Variants in JAZF1 observed in about 807,000 individuals in gnomAD.
The protein encoded by JAZF1 is juxtaposed with another zinc finger protein 1.
In JAZF1, 8 loss-of-function variants were observed where a neutral mutation model predicts 26.4. The observed-to-expected ratio is 0.30, with a 90% CI of 0.18 to 0.55. The LOEUF is 0.55. Ranked by LOEUF, JAZF1 falls within the 20% of genes least tolerant of loss-of-function variation. JAZF1 has a pLI of 0.94. For missense variants in JAZF1, 199 were observed against 322.0 expected, an observed-to-expected ratio of 0.62 and a Z score of 2.92; for synonymous variants, 126 against 122.3, an observed-to-expected ratio of 1.03 and a Z score of -0.20.
intron 1 of JAZF1, among the ~76,000 whole-genome samples, chr7:28,064,671 G>T (rs988315682): frequency 6.6e-6 from 1 of 152,162 alleles, no homozygotes; most frequent in African/African-American, 2.4e-5. Flanking sequence ...AGCATAAAGA[G>T]ATCTTATTAT....
chr7:27,907,700 G>A (rs1239954506), intron 2 of JAZF1, among the ~76,000 whole-genome samples: 1 of 152,150 alleles, frequency 6.6e-6, no homozygotes, highest in African/African-American at 2.4e-5. Context: ...AGAAAGGGGA[G>A]GAGAAGCAAA....
chr7:27,892,772 C>T (rs1356272902), intron 3 of JAZF1, among the ~76,000 whole-genome samples: 1 of 152,146 alleles, frequency 6.6e-6, no homozygotes, highest in Non-Finnish European at 1.5e-5. Flanking sequence ...AAATGCCTAA[C>T]ACAAATGAAC....
chr7:27,949,065 C>T (rs898709240), intron 2 of JAZF1, among the ~76,000 whole-genome samples: 34 of 152,198 alleles, frequency 2.2e-4, no homozygotes, highest in African/African-American at 8.0e-4. Flanking sequence ...ACAACAGCTG[C>T]TCTCATCAGT....
chr7:28,079,233 T>TC (rs1381820110), intron 1 of JAZF1, among the ~76,000 whole-genome samples: 6 of 152,110 alleles, frequency 3.9e-5, no homozygotes, highest in African/African-American at 1.4e-4. Context: ...CCTCAGGTGA[T>TC]CCGCCTGCTT....
At chr7:28,139,113 C>T (rs143162477) in intron 1 of JAZF1, among the ~76,000 whole-genome samples, 1 of 152,160 alleles carries the variant, frequency 6.6e-6, no homozygotes, top group Non-Finnish European at 1.5e-5. Flanking sequence ...CCTGTAGTGA[C>T]CTTGGTTTAG....
intron 1 of JAZF1, among the ~76,000 whole-genome samples, chr7:28,114,355 T>A (rs1006653005): frequency 6.6e-5 from 10 of 152,134 alleles, no homozygotes; most frequent in African/African-American, 2.4e-4. Context: ...AACACAGCCC[T>A]GAAAACTAGA....
chr7:28,156,866 G>T (rs1384582824), intron 1 of JAZF1, among the ~76,000 whole-genome samples: 2 of 152,180 alleles, frequency 1.3e-5, no homozygotes, highest in African/African-American at 4.8e-5. Flanking sequence ...ATTCTTATGA[G>T]ACAGTCATTG....
intron 2 of JAZF1, among the ~76,000 whole-genome samples, chr7:27,916,750 A>G (rs953354399): frequency 8.5e-5 from 13 of 152,356 alleles, no homozygotes; most frequent in Admixed American, 3.3e-4. Context: ...TGCATATAAT[A>G]TAAGAGCTGA....
At chr7:27,974,519 T>C (rs934915444) in intron 2 of JAZF1, among the ~76,000 whole-genome samples, 3 of 152,194 alleles carry the variant, frequency 2.0e-5, no homozygotes, top group African/African-American at 7.2e-5. Context: ...GACCTGAGAA[T>C]GTTACAGGTC....
chr7:28,117,190 T>C (rs1784760618), intron 1 of JAZF1, among the ~76,000 whole-genome samples: 1 of 152,244 alleles, frequency 6.6e-6, no homozygotes, highest in South Asian at 2.1e-4. Context: ...AATTTGCTTA[T>C]GGCATTTTTT....
chr7:27,982,237 G>A (rs1411270203), intron 2 of JAZF1, among the ~76,000 whole-genome samples: 1 of 152,098 alleles, frequency 6.6e-6, no homozygotes, highest in Non-Finnish European at 1.5e-5. Context: ...TGGAAAATCG[G>A]GACACTCCCA....
chr7:28,133,328 A>G (rs1030173096), intron 1 of JAZF1, among the ~76,000 whole-genome samples: 1 of 152,226 alleles, frequency 6.6e-6, no homozygotes, highest in East Asian at 1.9e-4. Flanking sequence ...AATTCAGAAA[A>G]TGGAGTGCTA....
intron 1 of JAZF1, among the ~76,000 whole-genome samples, chr7:28,143,616 G>GT (rs1298971889): frequency 6.6e-6 from 1 of 152,198 alleles, no homozygotes; most frequent in Non-Finnish European, 1.5e-5. Context: ...CCCTCTAGCA[G>GT]TTACTACAGT....
chr7:27,897,219 G>C (rs758465103), intron 2 of JAZF1, among the ~76,000 whole-genome samples: 6 of 152,176 alleles, frequency 3.9e-5, no homozygotes, highest in Admixed American at 6.5e-5. Flanking sequence ...GATTGTTCTC[G>C]AGGGTTAAGT....
chr7:27,988,568 C>A (rs1480689845), intron 2 of JAZF1, among the ~76,000 whole-genome samples: 2 of 151,900 alleles, frequency 1.3e-5, no homozygotes, highest in Non-Finnish European at 2.9e-5. Flanking sequence ...CACCAAATTG[C>A]CCTCCAAGTG....
chr7:28,064,119 A>AT (rs1015456660), intron 1 of JAZF1, among the ~76,000 whole-genome samples: 6 of 151,982 alleles, frequency 3.9e-5, no homozygotes, highest in African/African-American at 1.2e-4. Flanking sequence ...TAATTTAAAA[A>AT]ATATATATAT....
intron 2 of JAZF1, 67 bp downstream of exon 2, chr7:27,991,842 G>A (rs1785910104): frequency 4.6e-6 from 4 of 864,722 alleles, no homozygotes; most frequent in Non-Finnish European, 7.4e-6. Flanking sequence ...TGTTAAAAAA[G>A]ATGTGTTTAA....
At chr7:28,007,877 T>C (rs1027767971) in intron 1 of JAZF1, among the ~76,000 whole-genome samples, 7 of 152,196 alleles carry the variant, frequency 4.6e-5, no homozygotes, top group Admixed American at 1.3e-4. Flanking sequence ...ATTACTAGCA[T>C]TCCCCACTAG....
intron 3 of JAZF1, among the ~76,000 whole-genome samples, chr7:27,881,541 A>T (rs1434034598): frequency 1.3e-5 from 2 of 152,088 alleles, no homozygotes; most frequent in Admixed American, 6.6e-5. Context: ...TTTCAGGGAG[A>T]CTTTCAACAC....
Sources: allele counts gnomAD v4.1 joint callset (sites outside exome capture counted in the v4.1 genomes callset), GRCh38; gene constraint gnomAD v4.1.1; transcripts MANE v1.5; gene names NCBI Gene and HGNC (gene_info 2026-07-23, HGNC 2026-07-21).